Variants in CTNNA1 observed in about 807,000 individuals in gnomAD.
CTNNA1 encodes catenin alpha 1, also known as catenin alpha-1.
CTNNA1 carries 37 observed loss-of-function variants against 98.4 expected under a neutral mutation model. That is an observed-to-expected ratio of 0.38 (90% CI 0.29 to 0.49). The LOEUF (loss-of-function observed/expected upper bound fraction) is 0.49, where lower values mean the gene tolerates loss of function less well. CTNNA1 is among the 20% of genes least tolerant of loss of function. The pLI is 0.95. For synonymous variants in CTNNA1, 404 were observed against 413.2 expected, an observed-to-expected ratio of 0.98 and a Z score of 0.27; for missense variants, 761 against 1,147.2, an observed-to-expected ratio of 0.66 and a Z score of 4.86.
At chr5:138,823,755 AG>A (rs1377448454) in intron 5 of CTNNA1, among the ~76,000 whole-genome samples, 2 of 151,988 alleles carry the variant, frequency 1.3e-5, no homozygotes, top group South Asian at 4.2e-4. Context: ...CAGGAGATCG[AG>A]GCCATCCCGG....
chr5:138,803,719 G>C lies in CTNNA1; in HGVS notation c.302-6319G>C, dbSNP rs542401775. Among the ~76,000 whole-genome samples, 7 of 152,210 alleles carry C rather than the reference G, an allele frequency of 4.6e-5. No homozygotes were observed. In the South Asian group the frequency reaches 1.2e-3, roughly 27 times the overall value. ...AAATCAAATGGTATTTTTTCAAGGA[G>C]GCCTACCTTGATCCCCCTATTTTAA... On this transcript the variant is annotated intron_variant, in intron 3 of 17. Transcript: ENST00000302763.
chr5:138,930,125 A>C (rs1405342594), intron 14 of CTNNA1, among the ~76,000 whole-genome samples: 2 of 152,150 alleles, frequency 1.3e-5, no homozygotes, highest in African/African-American at 4.8e-5. Flanking sequence ...CCACCAGGGA[A>C]AGGGCTCCAC....
intron 3 of CTNNA1, among the ~76,000 whole-genome samples, chr5:138,785,100 C>T (rs933393521): frequency 3.8e-4 from 54 of 143,884 alleles, no homozygotes; most frequent in African/African-American, 1.4e-3. Flanking sequence ...CTCGCTCTGT[C>T]GCCCAGGCTG....
intron 3 of CTNNA1, among the ~76,000 whole-genome samples, chr5:138,785,777 G>A (rs1276532480): frequency 6.6e-6 from 1 of 152,024 alleles, no homozygotes; most frequent in Non-Finnish European, 1.5e-5. Context: ...GTGTAGTATA[G>A]TATAGTATAG....
At chr5:138,824,870 A>G in intron 6 of CTNNA1, 71 bp downstream of exon 6, 3 of 1,444,288 alleles carry the variant, frequency 2.1e-6, no homozygotes, top group Non-Finnish European at 2.9e-6. Flanking sequence ...TCTGGGGAAA[A>G]GTGATCAAGG....
Position 138,874,257 on chromosome 5 carries a change from C to A in CTNNA1, c.1063-11955C>A. On this transcript the variant is annotated intron_variant, in intron 7 of 17. Coordinates refer to ENST00000302763, the MANE Select transcript of CTNNA1 (RefSeq NM_001903.5). The surrounding 1 kb of genome is among the most constrained non-coding windows in gnomAD (Gnocchi z 4.1). ...TTATATAGTCCTTGAAAAGCATCTT[C>A]TTTTACTGTTGAAATTTGATTGTGA... The A allele has an allele frequency of 6.2e-7, 1 of 1,614,024 alleles. No individual in the cohort carries two copies. The highest frequency in any genetic ancestry group is 8.5e-7 in the Non-Finnish European group (1 of 1,179,892).
intron 7 of CTNNA1, among the ~76,000 whole-genome samples, chr5:138,866,863 T>C (rs1219211826): frequency 6.6e-6 from 1 of 152,200 alleles, no homozygotes; most frequent in Non-Finnish European, 1.5e-5. Flanking sequence ...GACTTTCACC[T>C]CTTTTTCCCC....
chr5:138,756,606 CG>C (rs1480404258), intron 1 of CTNNA1, among the ~76,000 whole-genome samples: 3 of 152,104 alleles, frequency 2.0e-5, no homozygotes, highest in Non-Finnish European at 2.9e-5. Flanking sequence ...GGAAAGACTC[CG>C]TGTGTTTAGA....
intron 3 of CTNNA1, among the ~76,000 whole-genome samples, chr5:138,808,440 A>G (rs1176306030): frequency 6.6e-6 from 1 of 152,188 alleles, no homozygotes; most frequent in African/African-American, 2.4e-5. Flanking sequence ...CTTCCTGAAG[A>G]TGTAAGAGAG....
intron 7 of CTNNA1, among the ~76,000 whole-genome samples, chr5:138,844,444 T>G (rs1406746813): frequency 6.6e-6 from 1 of 152,178 alleles, no homozygotes; most frequent in Non-Finnish European, 1.5e-5. Flanking sequence ...TAATCAGGTG[T>G]TTTTTGGTGG....
chr5:138,900,051 C>A (rs1204778158), intron 9 of CTNNA1, among the ~76,000 whole-genome samples: 2 of 152,192 alleles, frequency 1.3e-5, no homozygotes, highest in African/African-American at 2.4e-5. Context: ...ATCATCATTT[C>A]CCCTGTGGGT....
At chr5:138,771,373 A>G (rs1175558270) in intron 1 of CTNNA1, among the ~76,000 whole-genome samples, 1 of 151,932 alleles carries the variant, frequency 6.6e-6, no homozygotes, top group Non-Finnish European at 1.5e-5. Flanking sequence ...TTTTATTATT[A>G]TTATTTATTT....
intron 3 of CTNNA1, among the ~76,000 whole-genome samples, chr5:138,801,600 C>T (rs886119267): frequency 6.6e-6 from 1 of 152,134 alleles, no homozygotes; most frequent in African/African-American, 2.4e-5. Flanking sequence ...CATAAATAAC[C>T]GATGTGCATC....
chr5:138,916,362 G>A (rs1260482142), intron 10 of CTNNA1, among the ~76,000 whole-genome samples: 1 of 151,752 alleles, frequency 6.6e-6, no homozygotes, highest in Non-Finnish European at 1.5e-5. Context: ...ATTGTAGATA[G>A]GTGAATTTTA....
At chr5:138,866,271 CTCATTTAT>C (rs1561610884) in intron 7 of CTNNA1, among the ~76,000 whole-genome samples, 1 of 126,112 alleles carries the variant, frequency 7.9e-6, no homozygotes, top group African/African-American at 2.8e-5. Context: ...TCTGTTGTAA[CTCATTTAT>C]TTATTTATTT....
chr5:138,827,215 C>T (rs1251907206), intron 6 of CTNNA1, among the ~76,000 whole-genome samples: 3 of 152,118 alleles, frequency 2.0e-5, no homozygotes, highest in Non-Finnish European at 2.9e-5. Context: ...TAGTCTTATA[C>T]GGGTTTACCT....
intron 9 of CTNNA1, among the ~76,000 whole-genome samples, chr5:138,893,193 T>C (rs1352810179): frequency 1.3e-5 from 2 of 152,012 alleles, no homozygotes; most frequent in African/African-American, 4.8e-5. Flanking sequence ...GGTCTGGGGA[T>C]GAGGGTAGAG....
rs556622009 is a variant in CTNNA1 at position 138,785,088 on chromosome 5, G to A, written c.301+1716G>A. 4.2e-3 allele frequency among the ~76,000 whole-genome samples: 617 copies of A among 145,570 alleles called. 2 individuals are homozygous for A. Among genetic ancestry groups the A allele is most frequent in the Middle Eastern group, 0.025 (7 of 284 alleles). ...AATTTTTTTTTTTTTTTGAGACGGA[G>A]TCTCGCTCTGTCGCCCAGGCTGGAG... On this transcript the variant is annotated intron_variant, in intron 3 of 17. Coordinates refer to ENST00000302763, the MANE Select transcript of CTNNA1 (RefSeq NM_001903.5).
At position 138,762,641 on chromosome 5, in the gene CTNNA1, G is replaced by T. The variant is rs562880690; in HGVS notation, c.-3+9131G>T. ...CTTTTTGATTGGGATTTAATTTGTG[G>T]TTTTTTTTTTTTACCAGCTGTAAGT... is the stretch of plus-strand genomic sequence containing the variant. On this transcript the variant is annotated intron_variant, in intron 1 of 17. Transcript: ENST00000302763. Among the ~76,000 whole-genome samples, 92 of 144,188 alleles carry T rather than the reference G, an allele frequency of 6.4e-4. No individual in the cohort carries two copies. The highest frequency in any genetic ancestry group is 2.0e-3 in the South Asian group (9 of 4,536). The allele number at this position is 144,188 out of a possible 152,430, so 94.6% of individuals were successfully genotyped here. A position where few individuals can be genotyped will look rare whatever the true frequency, so the allele number is the denominator to read the frequency against.
Sources: gnomAD v4.1 joint callset for allele counts (sites outside exome capture counted in the v4.1 genomes callset) on GRCh38, gnomAD v4.1.1 for gene constraint, Gnocchi (gnomAD v3.1) non-coding constraint, MANE v1.5 for transcripts, NCBI Gene and HGNC (gene_info 2026-07-23, HGNC 2026-07-21) for gene names.